ANTXR1: variants seen among roughly 807,000 people sequenced by gnomAD.
ANTXR1 encodes anthrax toxin receptor 1.
A neutral mutation model predicts 78.1 loss-of-function variants in ANTXR1; 19 were observed. The ratio of observed to expected loss-of-function variants is 0.24; its 90% CI spans 0.17 to 0.36. The LOEUF is 0.36. Ranked by LOEUF, ANTXR1 falls within the 10% of genes least tolerant of loss-of-function variation. The pLI, the probability that ANTXR1 is intolerant of heterozygous loss-of-function variation, is 1.00. For missense variants in ANTXR1, 518 were observed against 718.6 expected, an observed-to-expected ratio of 0.72 and a Z score of 3.19; for synonymous variants, 273 against 260.5, an observed-to-expected ratio of 1.05 and a Z score of -0.46.
At chr2:69,099,718 T>G (rs1671547902) in intron 9 of ANTXR1, among the ~76,000 whole-genome samples, 1 of 152,236 alleles carries the variant, frequency 6.6e-6, no homozygotes. Flanking sequence ...TTCATGGACC[T>G]TATTAAGCCT....
chr2:69,240,060 C>A (rs1675859069), intron 17 of ANTXR1, among the ~76,000 whole-genome samples: 1 of 152,212 alleles, frequency 6.6e-6, no homozygotes, highest in Non-Finnish European at 1.5e-5. Flanking sequence ...TAGGAGATGT[C>A]CAAGGAGACC....
At chr2:69,061,226 AC>A (rs1670228241) in intron 3 of ANTXR1, among the ~76,000 whole-genome samples, 1 of 152,094 alleles carries the variant, frequency 6.6e-6, no homozygotes, top group African/African-American at 2.4e-5. Flanking sequence ...TTTGAAAATT[AC>A]CCCTTATTTA....
chr2:69,245,630 A>G lies in ANTXR1; in HGVS notation c.*145A>G. ...GGTTGGCAATGCCAGTATACCAACA[A>G]TCATGATCAGCTGAAAGAAACAGAT... On this transcript the variant is annotated 3_prime_UTR_variant, in exon 18 of 18. Coordinates refer to ENST00000303714, the MANE Select transcript of ANTXR1 (RefSeq NM_032208.3). 1 of 1,088,270 alleles carries G rather than the reference A, an allele frequency of 9.2e-7. No homozygotes were observed. Among genetic ancestry groups the G allele is most frequent in the Non-Finnish European group, 1.3e-6 (1 of 757,516 alleles). The allele number at this position is 1,088,270 out of a possible 1,614,324, so 67.4% of individuals were successfully genotyped here.
intron 13 of ANTXR1, among the ~76,000 whole-genome samples, chr2:69,168,268 T>G (rs546801809): frequency 5.8e-4 from 89 of 152,368 alleles, no homozygotes; most frequent in Non-Finnish European, 1.1e-3. Flanking sequence ...CAGCATCTAT[T>G]GAGCACCTAC....
At chr2:69,094,674 C>A (rs1215252491) in intron 9 of ANTXR1, among the ~76,000 whole-genome samples, 2 of 152,204 alleles carry the variant, frequency 1.3e-5, no homozygotes, top group Non-Finnish European at 2.9e-5. Flanking sequence ...GTGATCTCAG[C>A]TGGCTTTCAA....
At chr2:69,059,703 A>G (rs1670175861) in intron 3 of ANTXR1, among the ~76,000 whole-genome samples, 1 of 152,182 alleles carries the variant, frequency 6.6e-6, no homozygotes, top group Non-Finnish European at 1.5e-5. Flanking sequence ...AGACTGCAAT[A>G]TAGTATAGCA....
At chr2:69,134,922 T>C in intron 12 of ANTXR1, 1 of 296,218 alleles carries the variant, frequency 3.4e-6, no homozygotes, top group East Asian at 8.2e-5. Flanking sequence ...GAGCCATACA[T>C]AACTCAAGGT....
At chr2:69,061,278 C>T (rs1670230065) in intron 3 of ANTXR1, among the ~76,000 whole-genome samples, 1 of 152,108 alleles carries the variant, frequency 6.6e-6, no homozygotes, top group African/African-American at 2.4e-5. Flanking sequence ...GACAAAATTG[C>T]ACAAGAATGG....
At chr2:69,090,632 T>G in intron 8 of ANTXR1, 1 of 589,284 alleles carries the variant, frequency 1.7e-6, no homozygotes, top group Non-Finnish European at 3.0e-6. Flanking sequence ...AGCAAATGAA[T>G]GAATAATTCT....
intron 11 of ANTXR1, 117 bp downstream of exon 11, chr2:69,123,203 C>T: frequency 9.3e-7 from 1 of 1,074,486 alleles, no homozygotes; most frequent in Non-Finnish European, 1.4e-6. Context: ...GTTCCTCCAG[C>T]TTATGACGGA....
rs77334167 is a variant in ANTXR1 at position 69,032,211 on chromosome 2, T to G, written c.153-7833T>G. On this transcript the variant is annotated intron_variant, in intron 1 of 17. Transcript: ENST00000303714. ...AATTTGTTCATAACCATAATGACAT[T>G]AAGTGAAAAAAGCAGAGACCATAAC... Among the ~76,000 whole-genome samples the G allele has an allele frequency of 7.3e-4, 111 of 152,284 alleles. 2 individuals are homozygous for G. Among genetic ancestry groups the G allele is most frequent in the African/African-American group, 2.5e-3 (105 of 41,558 alleles).
chr2:69,165,403 G>T (rs1673801393), intron 13 of ANTXR1, among the ~76,000 whole-genome samples: 1 of 152,204 alleles, frequency 6.6e-6, no homozygotes, highest in African/African-American at 2.4e-5. Context: ...GAAGAAAGGG[G>T]CCAAAAACGA....
chr2:69,180,670 C>T (rs2104461287), intron 14 of ANTXR1, among the ~76,000 whole-genome samples: 1 of 152,320 alleles, frequency 6.6e-6, no homozygotes, highest in Middle Eastern at 3.4e-3. Flanking sequence ...CCACATACAA[C>T]ATAGTGCTAT....
chr2:69,119,564 C>G (rs1286122295), intron 10 of ANTXR1, among the ~76,000 whole-genome samples: 1 of 152,228 alleles, frequency 6.6e-6, no homozygotes, highest in Non-Finnish European at 1.5e-5. Flanking sequence ...ATGCAGAGTT[C>G]ATTTCTAGTC....
intron 17 of ANTXR1, among the ~76,000 whole-genome samples, chr2:69,232,864 G>A (rs1350326865): frequency 6.6e-6 from 1 of 152,080 alleles, no homozygotes; most frequent in Admixed American, 6.5e-5. Context: ...TATCATCGAT[G>A]AATCTTTGAA....
intron 3 of ANTXR1, among the ~76,000 whole-genome samples, chr2:69,066,301 A>C (rs995084198): frequency 6.7e-6 from 1 of 150,136 alleles, no homozygotes; most frequent in Non-Finnish European, 1.5e-5. Flanking sequence ...TCTTTCTTTT[A>C]TTTATTTTTT....
intron 2 of ANTXR1, among the ~76,000 whole-genome samples, chr2:69,041,997 T>C (rs953385234): frequency 2.0e-5 from 3 of 152,132 alleles, no homozygotes; most frequent in African/African-American, 7.2e-5. Flanking sequence ...CCCATAACAG[T>C]GCCAGACACA....
At chr2:69,213,670 G>A (rs1675105781) in intron 17 of ANTXR1, among the ~76,000 whole-genome samples, 1 of 152,242 alleles carries the variant, frequency 6.6e-6, no homozygotes, top group South Asian at 2.1e-4. Flanking sequence ...GCACAGCTTG[G>A]TGGGGTCGCC....
intron 3 of ANTXR1, among the ~76,000 whole-genome samples, chr2:69,066,399 G>A (rs187007464): frequency 2.1e-4 from 32 of 152,040 alleles, no homozygotes; most frequent in East Asian, 1.5e-3. Context: ...GGGTTTAAGC[G>A]ATTCTCCTGC....
Sources: gnomAD v4.1 joint callset for allele counts (sites outside exome capture counted in the v4.1 genomes callset) on GRCh38, gnomAD v4.1.1 for gene constraint, MANE v1.5 for transcripts, NCBI Gene and HGNC (gene_info 2026-07-23, HGNC 2026-07-21) for gene names.